ERC2: variants seen among roughly 807,000 people sequenced by gnomAD.
ERC2 encodes the protein ELKS/RAB6-interacting/CAST family member 2.
ERC2 carries 42 observed loss-of-function variants against 114.8 expected under a neutral mutation model. That is an observed-to-expected ratio of 0.37 (90% CI 0.29 to 0.47). The LOEUF (loss-of-function observed/expected upper bound fraction) is 0.47, where lower values mean the gene tolerates loss of function less well. Ranked by LOEUF, ERC2 falls within the 20% of genes least tolerant of loss-of-function variation. The pLI is 0.99. For missense variants in ERC2, 939 were observed against 1,150.7 expected, an observed-to-expected ratio of 0.82 and a Z score of 2.66; for synonymous variants, 454 against 425.5, an observed-to-expected ratio of 1.07 and a Z score of -0.82.
intron 6 of ERC2, among the ~76,000 whole-genome samples, chr3:56,088,593 A>G (rs1490084387): frequency 6.6e-6 from 1 of 152,130 alleles, no homozygotes; most frequent in African/African-American, 2.4e-5. Flanking sequence ...ACTGAAGAGG[A>G]AAGATCCCCT....
chr3:56,173,693 C>T (rs1195641356), intron 3 of ERC2, 173 bp from the exon 4 acceptor site: 1 of 561,188 alleles, frequency 1.8e-6, no homozygotes. Flanking sequence ...CTGGAGCCTG[C>T]GTTCCGGTGA....
chr3:56,274,619 T>G (rs1380075590), intron 3 of ERC2, among the ~76,000 whole-genome samples: 1 of 152,238 alleles, frequency 6.6e-6, no homozygotes, highest in Non-Finnish European at 1.5e-5. Context: ...ACAAGTCAGA[T>G]TCAAATATTG....
intron 2 of ERC2, among the ~76,000 whole-genome samples, chr3:56,304,360 G>A (rs1047771677): frequency 1.3e-5 from 2 of 152,150 alleles, no homozygotes; most frequent in African/African-American, 2.4e-5. Context: ...ATGGACAAAC[G>A]ACTAGTCATA....
At chr3:55,695,605 G>A (rs2062885321) in intron 16 of ERC2, among the ~76,000 whole-genome samples, 1 of 152,092 alleles carries the variant, frequency 6.6e-6, no homozygotes, top group Admixed American at 6.6e-5. Context: ...GGTTATTGGT[G>A]GGATCACTCT....
intron 14 of ERC2, among the ~76,000 whole-genome samples, chr3:55,797,054 A>G (rs1319071200): frequency 6.6e-6 from 1 of 152,190 alleles, no homozygotes; most frequent in Non-Finnish European, 1.5e-5. Flanking sequence ...AAGATGAACA[A>G]ACTTAAAATA....
rs748334837 is a variant in ERC2 at position 56,444,372 on chromosome 3, CA to C, written c.-140-9226del. On this transcript the variant is annotated intron_variant, in intron 1 of 17. Coordinates refer to ENST00000288221, the MANE Select transcript of ERC2 (RefSeq NM_015576.3). The stretch of plus-strand genomic sequence containing the variant: ...AGAAACAAATAAATGTTGCTGACAT[CA>C]AAAAAAATTATAACACCAAAAAAAT... 5.3e-5 allele frequency among the ~76,000 whole-genome samples: 8 copies of C among 151,632 alleles called. No individual in the cohort carries two copies. The South Asian group carries it at 8.3e-4, about 16-fold the overall frequency.
intron 2 of ERC2, among the ~76,000 whole-genome samples, chr3:56,315,070 C>T (rs145522913): frequency 9.2e-5 from 14 of 152,276 alleles, no homozygotes; most frequent in South Asian, 6.2e-4. Flanking sequence ...ATGGGACAGC[C>T]GCCATAACCA....
At chr3:56,316,807 T>A (rs1030907836) in intron 2 of ERC2, among the ~76,000 whole-genome samples, 1 of 152,204 alleles carries the variant, frequency 6.6e-6, no homozygotes, top group African/African-American at 2.4e-5. Context: ...AGAAACATTT[T>A]TAAGGCTATA....
At chr3:56,014,038 AC>A (rs777599922) in intron 8 of ERC2, among the ~76,000 whole-genome samples, 16 of 152,174 alleles carry the variant, frequency 1.1e-4, no homozygotes, top group Non-Finnish European at 2.2e-4. Context: ...TGATTTTGGC[AC>A]CTTTAAAAAA....
At chr3:56,294,056 C>T (rs2055269389) in intron 3 of ERC2, among the ~76,000 whole-genome samples, 1 of 152,208 alleles carries the variant, frequency 6.6e-6, no homozygotes. Context: ...TATAGTGATC[C>T]TCTATCAACT....
intron 7 of ERC2, among the ~76,000 whole-genome samples, chr3:56,063,754 G>T (rs2076345474): frequency 6.6e-6 from 1 of 152,178 alleles, no homozygotes; most frequent in Non-Finnish European, 1.5e-5. Context: ...AGTTATGTCT[G>T]TGTATAAAGT....
At chr3:55,627,795 G>A (rs1190326697) in intron 17 of ERC2, among the ~76,000 whole-genome samples, 1 of 150,990 alleles carries the variant, frequency 6.6e-6, no homozygotes, top group East Asian at 1.9e-4. Context: ...GACTTTCTGT[G>A]ACCTTCCATT....
At chr3:55,814,582 G>A (rs1389462447) in intron 14 of ERC2, among the ~76,000 whole-genome samples, 2 of 152,194 alleles carry the variant, frequency 1.3e-5, no homozygotes, top group East Asian at 3.8e-4. Context: ...GAAATAACTA[G>A]GGAAACAGAA....
intron 14 of ERC2, among the ~76,000 whole-genome samples, chr3:55,872,704 G>C (rs1021598358): frequency 1.3e-5 from 2 of 152,168 alleles, no homozygotes; most frequent in Non-Finnish European, 2.9e-5. Context: ...ACCACCAAAG[G>C]CTGAATAGTG....
At chr3:56,073,474 G>T (rs2076835529) in intron 7 of ERC2, among the ~76,000 whole-genome samples, 1 of 152,178 alleles carries the variant, frequency 6.6e-6, no homozygotes, top group African/African-American at 2.4e-5. Flanking sequence ...GGAGTAGGGA[G>T]GTTCTAAGCC....
intron 7 of ERC2, among the ~76,000 whole-genome samples, chr3:56,027,974 G>A (rs2074150890): frequency 6.6e-6 from 1 of 151,982 alleles, no homozygotes; most frequent in East Asian, 1.9e-4. Flanking sequence ...TTTTGCATAA[G>A]GTGTGAAGTT....
chr3:56,075,870 C>T (rs972078195), intron 7 of ERC2, among the ~76,000 whole-genome samples: 8 of 152,142 alleles, frequency 5.3e-5, no homozygotes, highest in East Asian at 1.9e-4. Context: ...TTCAATTTTA[C>T]ACTAACAGGG....
chr3:56,280,291 G>A (rs1327940242), intron 3 of ERC2, among the ~76,000 whole-genome samples: 1 of 152,170 alleles, frequency 6.6e-6, no homozygotes, highest in Non-Finnish European at 1.5e-5. Flanking sequence ...TCTTAGCCCA[G>A]TGAAACTGAC....
intron 14 of ERC2, among the ~76,000 whole-genome samples, chr3:55,881,585 T>C (rs560202902): frequency 8.7e-4 from 133 of 152,300 alleles, no homozygotes; most frequent in Middle Eastern, 3.4e-3. Context: ...ACTACTATAG[T>C]AGTTTAAATC....
Sources: allele counts gnomAD v4.1 joint callset (sites outside exome capture counted in the v4.1 genomes callset), GRCh38; gene constraint gnomAD v4.1.1; transcripts MANE v1.5; gene names NCBI Gene and HGNC (gene_info 2026-07-23, HGNC 2026-07-21).